The following FBN1 variants were observed in gnomAD, a reference collection of about 807,000 sequenced individuals.
The protein encoded by FBN1 is fibrillin 1.
FBN1 carries 29 observed loss-of-function variants against 365.1 expected under a neutral mutation model. The observed-to-expected ratio is 0.08, with a 90% CI of 0.06 to 0.11. FBN1 has a LOEUF of 0.11. FBN1 is among the 10% of genes least tolerant of loss of function. The probability of loss-of-function intolerance (pLI) is 1.00; values close to 1 mark genes in which losing one functional copy is unlikely to be tolerated. For missense variants in FBN1, 2,476 were observed against 3,703.2 expected, an observed-to-expected ratio of 0.67 and a Z score of 8.60; for synonymous variants, 1,210 against 1,270.5, an observed-to-expected ratio of 0.95 and a Z score of 1.01.
Position 48,412,824 on chromosome 15 carries a change from G to T in FBN1, c.8052-81C>A, listed in dbSNP as rs1003503257. 4 of 1,527,560 alleles carry T rather than the reference G, an allele frequency of 2.6e-6. No homozygotes were observed. The East Asian group carries it at 6.7e-5, about 26-fold the overall frequency. The allele number at this position is 1,527,560 out of a possible 1,614,324, so 94.6% of individuals were successfully genotyped here. A position where few individuals can be genotyped will look rare whatever the true frequency, so the allele number is the denominator to read the frequency against. ...TGGTACAAGAGTTCTGGTGAAGCCT[G>T]TTCCTTGCAGTTGTGAGATACAGCC... On this transcript the variant is annotated intron_variant, in intron 64 of 65. Transcript: ENST00000316623.
At chr15:48,512,686 T>C (rs1334287223) in intron 13 of FBN1, among the ~76,000 whole-genome samples, 2 of 152,192 alleles carry the variant, frequency 1.3e-5, no homozygotes, top group Non-Finnish European at 2.9e-5. Context: ...TAATATTCCA[T>C]GGTGTACATG....
intron 6 of FBN1, among the ~76,000 whole-genome samples, chr15:48,564,542 C>G (rs2044246236): frequency 6.6e-6 from 1 of 151,706 alleles, no homozygotes; most frequent in Admixed American, 6.6e-5. Context: ...TTTGCCTTCT[C>G]AAATGCTTAT....
At chr15:48,485,748 G>A (rs913796984) in intron 29 of FBN1, among the ~76,000 whole-genome samples, 1 of 152,146 alleles carries the variant, frequency 6.6e-6, no homozygotes, top group African/African-American at 2.4e-5. Context: ...GAAGGACCAT[G>A]CAAAATCCTG....
intron 32 of FBN1, among the ~76,000 whole-genome samples, chr15:48,481,445 C>A (rs530106126): frequency 6.6e-6 from 1 of 152,062 alleles, no homozygotes; most frequent in South Asian, 2.1e-4. Context: ...CTTTTTCCCC[C>A]CACAGGTCAA....
intron 8 of FBN1, among the ~76,000 whole-genome samples, chr15:48,527,382 CT>C (rs1374994948): frequency 6.6e-6 from 1 of 152,214 alleles, no homozygotes; most frequent in Non-Finnish European, 1.5e-5. Context: ...AAAATGACAG[CT>C]TCCTTCTTAG....
chr15:48,452,268 G>T (rs1424167682), intron 45 of FBN1, among the ~76,000 whole-genome samples: 1 of 152,162 alleles, frequency 6.6e-6, no homozygotes, highest in East Asian at 1.9e-4. Flanking sequence ...TGTAATGTGT[G>T]GGGGTGAGTG....
At chr15:48,598,361 C>A (rs2044531716) in intron 5 of FBN1, among the ~76,000 whole-genome samples, 1 of 152,194 alleles carries the variant, frequency 6.6e-6, no homozygotes, top group Non-Finnish European at 1.5e-5. Flanking sequence ...TAAAATGTGC[C>A]TAGCACACAG....
At chr15:48,626,375 A>G (rs937312340) in intron 2 of FBN1, among the ~76,000 whole-genome samples, 3 of 152,216 alleles carry the variant, frequency 2.0e-5, no homozygotes, top group African/African-American at 7.2e-5. Flanking sequence ...ACAATTACCC[A>G]TAAGTGGAAT....
intron 6 of FBN1, among the ~76,000 whole-genome samples, chr15:48,595,207 C>T (rs139743410): frequency 6.6e-6 from 1 of 152,278 alleles, no homozygotes; most frequent in African/African-American, 2.4e-5. Context: ...AAATTATAAA[C>T]ACAGACAGAA....
intron 6 of FBN1, among the ~76,000 whole-genome samples, chr15:48,569,771 A>G (rs1195524284): frequency 3.9e-5 from 6 of 152,186 alleles, no homozygotes; most frequent in Non-Finnish European, 7.4e-5. Context: ...AAAGTGTATT[A>G]GTGGTTGCCC....
At chr15:48,574,858 G>T (rs2044333505) in intron 6 of FBN1, among the ~76,000 whole-genome samples, 1 of 152,058 alleles carries the variant, frequency 6.6e-6, no homozygotes, top group South Asian at 2.1e-4. Context: ...CTGTTGTTTT[G>T]TTCATTTAAT....
Position 48,483,675 on chromosome 15 carries a change from G to A in FBN1, c.3838+143C>T, listed in dbSNP as rs2043483551. The A allele has an allele frequency of 3.0e-5, 27 of 912,998 alleles. 2 individuals carry two copies. In the South Asian group the frequency reaches 4.1e-4, roughly 14 times the overall value. The allele number at this position is 912,998 out of a possible 1,614,324, so 56.6% of individuals were successfully genotyped here. ...ACAAGAAAGCTCTCTTTGGAATGCT[G>A]GTTAAAATATGAGTATTGTGCCTCT... On this transcript the variant is annotated intron_variant, in intron 31 of 65. Transcript: ENST00000316623.
At chr15:48,478,236 G>C (rs1350657626) in intron 32 of FBN1, among the ~76,000 whole-genome samples, 1 of 152,144 alleles carries the variant, frequency 6.6e-6, no homozygotes, top group Non-Finnish European at 1.5e-5. Flanking sequence ...GAACACCCAT[G>C]GAGTTTTCAC....
rs58728910 is a variant in FBN1, at chr15:48,542,781, ATGTGTGTGTGTGTG to A, written c.539-4987_539-4974del. On this transcript the variant is annotated intron_variant, in intron 6 of 65. Transcript: ENST00000316623. ...TATTTCTGCCCTCTAGGACTCTAAG[ATGTGTGTGTGTGTG>A]TGTGTGTGTGTGTGTGTGTGTGTGT... Among the ~76,000 whole-genome samples the A allele has an allele frequency of 1.7e-3, 219 of 130,642 alleles. 2 individuals carry two copies. Among genetic ancestry groups the A allele is most frequent in the Middle Eastern group, 3.7e-3 (1 of 268 alleles). 85.7% of individuals were successfully genotyped at this position (130,642 alleles called of 152,430 possible).
chr15:48,485,531 T>C (rs2043499403), intron 29 of FBN1, 35 bp from the exon 30 acceptor site: 2 of 1,611,970 alleles, frequency 1.2e-6, no homozygotes, highest in Non-Finnish European at 1.7e-6. Context: ...CCTTCTGATA[T>C]GGTTTGGATG....
At chr15:48,443,441 T>C (rs1264786208) in intron 49 of FBN1, among the ~76,000 whole-genome samples, 1 of 152,194 alleles carries the variant, frequency 6.6e-6, no homozygotes, top group East Asian at 1.9e-4. Context: ...CTATATATAT[T>C]CTGTTCAATT....
At chr15:48,601,358 T>C (rs779850316) in intron 4 of FBN1, among the ~76,000 whole-genome samples, 9 of 152,218 alleles carry the variant, frequency 5.9e-5, no homozygotes, top group Admixed American at 1.3e-4. Flanking sequence ...CAAAGCTTGA[T>C]TGAATTAACC....
intron 54 of FBN1, 114 bp downstream of exon 54, chr15:48,434,480 A>G: frequency 7.4e-7 from 1 of 1,345,506 alleles, no homozygotes; most frequent in Admixed American, 1.7e-5. Context: ...CATCAGGCCT[A>G]GATGATCTTT....
intron 2 of FBN1, among the ~76,000 whole-genome samples, chr15:48,619,101 G>A (rs1030057799): frequency 7.9e-5 from 12 of 152,044 alleles, no homozygotes; most frequent in Non-Finnish European, 1.5e-4. Context: ...CCCTTGGTCC[G>A]TGGAAAAGTT....
Sources: gnomAD v4.1 joint callset for allele counts (sites outside exome capture counted in the v4.1 genomes callset) on GRCh38, gnomAD v4.1.1 for gene constraint, MANE v1.5 for transcripts, NCBI Gene and HGNC (gene_info 2026-07-23, HGNC 2026-07-21) for gene names.